DCC: variants seen among roughly 807,000 people sequenced by gnomAD.
The protein encoded by DCC is DCC netrin 1 receptor, also known as netrin receptor DCC.
DCC carries 58 observed loss-of-function variants against 172.5 expected under a neutral mutation model. The ratio of observed to expected loss-of-function variants is 0.34; its 90% CI spans 0.27 to 0.42. The LOEUF is 0.42. Among genes scored for constraint, DCC ranks in the 10% least tolerant of loss-of-function variants. The pLI is 1.00. For missense variants in DCC, 1,740 were observed against 1,791.0 expected, an observed-to-expected ratio of 0.97 and a Z score of 0.51; for synonymous variants, 709 against 644.5, an observed-to-expected ratio of 1.10 and a Z score of -1.52.
chr18:52,833,054 A>G (rs2038645583), intron 2 of DCC, among the ~76,000 whole-genome samples: 1 of 152,166 alleles, frequency 6.6e-6, no homozygotes, highest in South Asian at 2.1e-4. Context: ...GCCATCAAAG[A>G]GGATTGAATA....
At position 53,028,377 on chromosome 18, in the gene DCC, G is replaced by T. The variant is rs995691636; in HGVS notation, c.986-34928G>T. Among the ~76,000 whole-genome samples, 3 of 151,966 alleles carry T rather than the reference G, an allele frequency of 2.0e-5. No individual in the cohort carries two copies. The South Asian group carries it at 6.2e-4, about 32-fold the overall frequency. ...CTCTCAGTCAATTAATGAAGCCCCT[G>T]TCCCCCCAGCTAAACAGACTTGCCT... On this transcript the variant is annotated intron_variant, in intron 5 of 28. Coordinates refer to ENST00000442544, the MANE Select transcript of DCC (RefSeq NM_005215.4).
At chr18:52,484,445 C>T (rs1368453907) in intron 1 of DCC, among the ~76,000 whole-genome samples, 1 of 152,086 alleles carries the variant, frequency 6.6e-6, no homozygotes. Context: ...TATTATTTTC[C>T]CATTCAGCAT....
At chr18:52,430,388 G>A (rs1987581886) in intron 1 of DCC, among the ~76,000 whole-genome samples, 1 of 132,600 alleles carries the variant, frequency 7.5e-6, no homozygotes, top group Non-Finnish European at 1.8e-5. Flanking sequence ...TACTTTTACA[G>A]TACAAGAAAA....
At chr18:53,405,252 G>A (rs1404819018) in intron 19 of DCC, among the ~76,000 whole-genome samples, 1 of 151,852 alleles carries the variant, frequency 6.6e-6, no homozygotes, top group African/African-American at 2.4e-5. Flanking sequence ...GTGCCAAGGA[G>A]GGATGTGCTC....
chr18:52,632,630 T>C (rs1046911488), intron 1 of DCC, among the ~76,000 whole-genome samples: 13 of 152,232 alleles, frequency 8.5e-5, no homozygotes, highest in African/African-American at 2.7e-4. Context: ...TTTCTCCTGT[T>C]ATCCTTCTTA....
At chr18:52,620,517 G>T (rs1275581683) in intron 1 of DCC, among the ~76,000 whole-genome samples, 4 of 152,174 alleles carry the variant, frequency 2.6e-5, no homozygotes, top group South Asian at 2.1e-4. Flanking sequence ...GTTGTATATA[G>T]AAGAGAACTG....
At chr18:52,991,561 T>G (rs2145622969) in intron 5 of DCC, among the ~76,000 whole-genome samples, 1 of 152,296 alleles carries the variant, frequency 6.6e-6, no homozygotes, top group East Asian at 1.9e-4. Context: ...TGTGAATCCC[T>G]CTTCAGTTTC....
chr18:52,617,244 A>C (rs1370316743), intron 1 of DCC, among the ~76,000 whole-genome samples: 3 of 152,170 alleles, frequency 2.0e-5, no homozygotes, highest in African/African-American at 7.2e-5. Context: ...TGTCTATTAA[A>C]AACAAAATAA....
chr18:53,000,350 T>C (rs1178404105), intron 5 of DCC, among the ~76,000 whole-genome samples: 2 of 152,096 alleles, frequency 1.3e-5, no homozygotes, highest in African/African-American at 4.8e-5. Flanking sequence ...CATTATCCTT[T>C]ATTGACTACG....
intron 25 of DCC, among the ~76,000 whole-genome samples, chr18:53,472,992 GT>G (rs1199391525): frequency 6.6e-6 from 1 of 152,124 alleles, no homozygotes; most frequent in Non-Finnish European, 1.5e-5. Context: ...TCCTTCATTT[GT>G]TTTTTCCCTT....
intron 7 of DCC, among the ~76,000 whole-genome samples, chr18:53,074,428 A>G (rs946883518): frequency 1.3e-5 from 2 of 152,208 alleles, no homozygotes; most frequent in African/African-American, 4.8e-5. Flanking sequence ...GTGATATTAT[A>G]GCTCATAAGC....
At chr18:53,406,933 C>T (rs188890628) in intron 19 of DCC, among the ~76,000 whole-genome samples, 21 of 152,162 alleles carry the variant, frequency 1.4e-4, no homozygotes, top group South Asian at 4.2e-4. Context: ...TGTTTCTATT[C>T]TCCATCTCAG....
rs147927027 is a variant in DCC, at chr18:52,767,214, CTG to C, written c.412+14843_412+14844del. 1.5e-3 allele frequency among the ~76,000 whole-genome samples: 234 copies of C among 152,066 alleles called. No homozygotes were observed. In the East Asian group the frequency reaches 0.021, roughly 14 times the overall value. On this transcript the variant is annotated intron_variant, in intron 2 of 28. Coordinates refer to ENST00000442544, the MANE Select transcript of DCC (RefSeq NM_005215.4). ...GTAAATAGGATCAATCAAATAATGA[CTG>C]TGCTAGAAAGTAGTTGGATAATACT...
intron 5 of DCC, among the ~76,000 whole-genome samples, chr18:52,956,262 AT>A (rs904325341): frequency 7.3e-5 from 11 of 151,188 alleles, no homozygotes; most frequent in Non-Finnish European, 4.4e-5. Flanking sequence ...CTGTGTCTAG[AT>A]TTTTTTTTAC....
chr18:52,510,106 C>A (rs1003525735), intron 1 of DCC, among the ~76,000 whole-genome samples: 12 of 142,162 alleles, frequency 8.4e-5, no homozygotes, highest in African/African-American at 3.0e-4. Flanking sequence ...TTCTGTCCCC[C>A]CTGCATCCCC....
At chr18:53,370,232 T>C (rs564402561) in intron 15 of DCC, among the ~76,000 whole-genome samples, 7 of 151,814 alleles carry the variant, frequency 4.6e-5, no homozygotes, top group African/African-American at 1.7e-4. Flanking sequence ...TCCGATTTGT[T>C]GATGTACAGT....
intron 1 of DCC, among the ~76,000 whole-genome samples, chr18:52,695,389 C>T (rs1448780248): frequency 6.6e-6 from 1 of 152,066 alleles, no homozygotes; most frequent in African/African-American, 2.4e-5. Context: ...GACAGTAGTC[C>T]CTTCATGTTG....
intron 1 of DCC, among the ~76,000 whole-genome samples, chr18:52,555,314 T>A (rs1010269181): frequency 2.6e-5 from 4 of 152,108 alleles, no homozygotes; most frequent in African/African-American, 9.7e-5. Flanking sequence ...AGTAAAAACT[T>A]TTCTAGGGTC....
intron 1 of DCC, among the ~76,000 whole-genome samples, chr18:52,727,226 C>T (rs1770418015): frequency 6.6e-6 from 1 of 152,116 alleles, no homozygotes; most frequent in African/African-American, 2.4e-5. Context: ...GTCTTTCAGC[C>T]ATTTACTGTC....
Sources: allele counts gnomAD v4.1 joint callset (sites outside exome capture counted in the v4.1 genomes callset), GRCh38; gene constraint gnomAD v4.1.1; transcripts MANE v1.5; gene names NCBI Gene and HGNC (gene_info 2026-07-23, HGNC 2026-07-21).